CNTN5: variants seen among roughly 807,000 people sequenced by gnomAD.
The protein encoded by CNTN5 is contactin-5.
A neutral mutation model predicts 129.1 loss-of-function variants in CNTN5; 77 were observed. The ratio of observed to expected loss-of-function variants is 0.60; its 90% CI spans 0.50 to 0.72. CNTN5 has a LOEUF of 0.72. Among genes scored for constraint, CNTN5 ranks in the 30% least tolerant of loss-of-function variants. The pLI is 0.00. For synonymous variants in CNTN5, 509 were observed against 465.6 expected (o/e 1.09, Z -1.20); for missense variants, 1,478 against 1,328.8 (o/e 1.11, Z -1.75).
chr11:100,285,864 A>C (rs1210729396), intron 18 of CNTN5, among the ~76,000 whole-genome samples: 1 of 152,118 alleles, frequency 6.6e-6, no homozygotes, highest in African/African-American at 2.4e-5. Context: ...CTCACTAGGG[A>C]GTGCCAGACA....
chr11:100,078,496 T>C (rs1023299819), intron 13 of CNTN5, among the ~76,000 whole-genome samples: 2 of 152,094 alleles, frequency 1.3e-5, no homozygotes, highest in African/African-American at 2.4e-5. Flanking sequence ...GTAAATCACA[T>C]TATTACTAAT....
intron 1 of CNTN5, among the ~76,000 whole-genome samples, chr11:99,072,721 T>A (rs1865389144): frequency 6.6e-6 from 1 of 152,130 alleles, no homozygotes; most frequent in African/African-American, 2.4e-5. Flanking sequence ...CTATGCTTTT[T>A]AAAAAATTGA....
At chr11:99,989,508 G>C (rs1050363171) in intron 8 of CNTN5, among the ~76,000 whole-genome samples, 1 of 141,248 alleles carries the variant, frequency 7.1e-6, no homozygotes, top group Non-Finnish European at 1.6e-5. Flanking sequence ...TACACAAATA[G>C]ATAGACACAT....
At chr11:100,122,904 G>A (rs1946074208) in intron 13 of CNTN5, among the ~76,000 whole-genome samples, 1 of 152,036 alleles carries the variant, frequency 6.6e-6, no homozygotes, top group African/African-American at 2.4e-5. Context: ...GAGGATGTAA[G>A]CAAGAGATCA....
chr11:99,342,261 A>G (rs188444237), intron 2 of CNTN5, among the ~76,000 whole-genome samples: 2 of 152,198 alleles, frequency 1.3e-5, no homozygotes, highest in African/African-American at 4.8e-5. Flanking sequence ...GCCACAAACT[A>G]TTTCTCATAA....
rs753838831 is a variant in CNTN5, at chr11:100,297,654, G to T, written c.2344G>T (p.Gly782Ter). 1 of 1,605,246 alleles carries T rather than the reference G, an allele frequency of 6.2e-7. No individual in the cohort carries two copies. The highest frequency in any genetic ancestry group is 1.3e-5 in the African/African-American group (1 of 74,498). ...VPKTAPTNVS[G>*]RSGRRHELVI... is the part of the protein sequence containing the mutation. ...GAAGACAGCACCCACCAATGTAAGCGGAAGAAGTGGAAGAAGGCATGAGTT... is the reference window on the plus strand; with the variant it reads ...GAAGACAGCACCCACCAATGTAAGCTGAAGAAGTGGAAGAAGGCATGAGTT... Residue 782 changes from glycine to a stop codon, truncating the protein, a stop_gained, in exon 19 of 25, where the codon GGA (glycine) becomes TGA (stop). Coordinates refer to ENST00000524871, the MANE Select transcript of CNTN5 (RefSeq NM_014361.4). LOFTEE classifies it high-confidence loss of function.
chr11:99,381,431 T>C (rs978463381), intron 2 of CNTN5, among the ~76,000 whole-genome samples: 9 of 152,170 alleles, frequency 5.9e-5, no homozygotes, highest in African/African-American at 2.2e-4. Flanking sequence ...TAGGATGTAA[T>C]AGTATTTTAA....
At chr11:99,535,895 T>C (rs903892662) in intron 2 of CNTN5, among the ~76,000 whole-genome samples, 1 of 152,154 alleles carries the variant, frequency 6.6e-6, no homozygotes, top group Admixed American at 6.5e-5. Flanking sequence ...CTTATTTGAT[T>C]CCTTTTTTAG....
At chr11:99,964,709 G>A (rs1247759030) in intron 8 of CNTN5, among the ~76,000 whole-genome samples, 1 of 152,102 alleles carries the variant, frequency 6.6e-6, no homozygotes, top group Non-Finnish European at 1.5e-5. Context: ...TTTTTCTATT[G>A]ATTGGAATAG....
At chr11:99,373,575 T>C (rs1160454745) in intron 2 of CNTN5, among the ~76,000 whole-genome samples, 4 of 151,930 alleles carry the variant, frequency 2.6e-5, no homozygotes, top group Admixed American at 6.6e-5. Flanking sequence ...TAGCTGGGCG[T>C]GGTGATGCAT....
At chr11:99,168,500 A>T (rs1860990664) in intron 1 of CNTN5, among the ~76,000 whole-genome samples, 1 of 152,090 alleles carries the variant, frequency 6.6e-6, no homozygotes, top group African/African-American at 2.4e-5. Flanking sequence ...TAATCGCTTG[A>T]ACCCAGGAGG....
chr11:100,050,924 G>C (rs958588855), intron 9 of CNTN5, among the ~76,000 whole-genome samples: 1 of 152,032 alleles, frequency 6.6e-6, no homozygotes. Flanking sequence ...TAGTAACAGA[G>C]CTTTACAATG....
At chr11:100,228,308 A>T (rs1949421761) in intron 16 of CNTN5, among the ~76,000 whole-genome samples, 1 of 152,200 alleles carries the variant, frequency 6.6e-6, no homozygotes, top group African/African-American at 2.4e-5. Context: ...TTACATGATG[A>T]ATCCAAAGTG....
intron 2 of CNTN5, among the ~76,000 whole-genome samples, chr11:99,554,271 A>C (rs1452408083): frequency 6.6e-6 from 1 of 152,002 alleles, no homozygotes; most frequent in Non-Finnish European, 1.5e-5. Context: ...ACACTGACTT[A>C]TTTATCCATG....
At chr11:99,878,860 A>C (rs1023424558) in intron 6 of CNTN5, among the ~76,000 whole-genome samples, 3 of 152,166 alleles carry the variant, frequency 2.0e-5, no homozygotes, top group African/African-American at 7.2e-5. Flanking sequence ...TCTCAAAAAA[A>C]ATAATTAATA....
intron 3 of CNTN5, among the ~76,000 whole-genome samples, chr11:99,675,466 T>C (rs1325198032): frequency 2.0e-5 from 3 of 152,164 alleles, no homozygotes. Flanking sequence ...GCAGATTGCC[T>C]GAGCTCGGCA....
At chr11:99,060,727 A>G (rs1257470977) in intron 1 of CNTN5, among the ~76,000 whole-genome samples, 1 of 152,156 alleles carries the variant, frequency 6.6e-6, no homozygotes, top group East Asian at 1.9e-4. Flanking sequence ...TATTGTTGTT[A>G]AAAGCATGTA....
intron 1 of CNTN5, among the ~76,000 whole-genome samples, chr11:99,031,175 C>T (rs991747934): frequency 4.6e-5 from 7 of 151,938 alleles, no homozygotes; most frequent in Non-Finnish European, 8.8e-5. Context: ...AGCAAAAATA[C>T]AATGATTTAA....
intron 13 of CNTN5, among the ~76,000 whole-genome samples, chr11:100,147,538 T>C (rs988315163): frequency 6.6e-6 from 1 of 152,184 alleles, no homozygotes; most frequent in Non-Finnish European, 1.5e-5. Context: ...GGGTCAGTTC[T>C]GCTCGGAAGC....
Sources: allele counts gnomAD v4.1 joint callset (sites outside exome capture counted in the v4.1 genomes callset), GRCh38; gene constraint gnomAD v4.1.1; transcripts MANE v1.5; gene names NCBI Gene and HGNC (gene_info 2026-07-23, HGNC 2026-07-21).